DPH6: variants seen among roughly 807,000 people sequenced by gnomAD.
DPH6 encodes diphthine--ammonia ligase.
DPH6 carries 33 observed loss-of-function variants against 38.2 expected under a neutral mutation model. The observed-to-expected ratio is 0.86, with a 90% CI of 0.65 to 1.15. DPH6 has a LOEUF of 1.15. Among genes scored for constraint, DPH6 ranks in the 50% most tolerant of loss-of-function variants. DPH6 has a pLI of 0.00. For synonymous variants in DPH6, 108 were observed against 103.0 expected (o/e 1.05, Z -0.30); for missense variants, 325 against 320.0 (o/e 1.02, Z -0.12).
downstream of DPH6, among the ~76,000 whole-genome samples, chr15:35,329,618 G>A (rs974229066): frequency 6.6e-6 from 1 of 152,076 alleles, no homozygotes; most frequent in Non-Finnish European, 1.5e-5. Context: ...GTGAACTGCT[G>A]GTAGAGTTCA....
At chr15:35,479,325 ACTG>A (rs1373368239) in intron 3 of DPH6, among the ~76,000 whole-genome samples, 8 of 152,238 alleles carry the variant, frequency 5.3e-5, no homozygotes, top group South Asian at 2.1e-4. Flanking sequence ...GGATCATCCC[ACTG>A]AATCTTAAAG....
intron 6 of DPH6, among the ~76,000 whole-genome samples, chr15:35,399,441 CAG>C (rs1280327439): frequency 6.6e-6 from 1 of 151,934 alleles, no homozygotes; most frequent in African/African-American, 2.4e-5. Flanking sequence ...TATAGAGTAA[CAG>C]AAATTCTAAA....
At chr15:35,460,707 A>T (rs567109958) in intron 3 of DPH6, among the ~76,000 whole-genome samples, 99 of 152,324 alleles carry the variant, frequency 6.5e-4, no homozygotes, top group African/African-American at 2.2e-3. Context: ...TTACAAAGTT[A>T]ACTATGACCA....
intron 6 of DPH6, among the ~76,000 whole-genome samples, chr15:35,393,346 C>G (rs576396651): frequency 1.3e-5 from 2 of 152,036 alleles, no homozygotes; most frequent in Non-Finnish European, 2.9e-5. Context: ...GGTTGAGGAA[C>G]TTATGACAAA....
chr15:35,157,197 C>G, the DPH6 span, among the ~76,000 whole-genome samples: 1 of 152,066 alleles, frequency 6.6e-6, no homozygotes. Context: ...AGGAGTTGCT[C>G]TAATTTTTCT....
At chr15:35,177,353 T>C in the DPH6 span, among the ~76,000 whole-genome samples, 1 of 151,822 alleles carries the variant, frequency 6.6e-6, no homozygotes, top group Non-Finnish European at 1.5e-5. Context: ...GGTAGGGGGA[T>C]GACTTGAGGC....
chr15:35,225,006 T>C (rs769773025), intron 3 of DPH6, among the ~76,000 whole-genome samples: 10 of 152,242 alleles, frequency 6.6e-5, no homozygotes, highest in Non-Finnish European at 1.2e-4. Flanking sequence ...TTTCTATTAA[T>C]GTCTCCCTTT....
downstream of DPH6, among the ~76,000 whole-genome samples, chr15:35,213,415 T>C (rs2051396730): frequency 1.3e-5 from 2 of 152,228 alleles, no homozygotes. Flanking sequence ...AGATATGAAC[T>C]TTTGTTATAA....
chr15:35,330,059 A>G (rs985266941), downstream of DPH6, among the ~76,000 whole-genome samples: 2 of 152,208 alleles, frequency 1.3e-5, no homozygotes, highest in African/African-American at 4.8e-5. Context: ...GATTTACACT[A>G]AACACTATGT....
At chr15:35,427,005 T>TA (rs80243708) in intron 5 of DPH6, among the ~76,000 whole-genome samples, 1,584 of 116,250 alleles carry the variant, frequency 0.014, 13 homozygotes, top group Non-Finnish European at 0.019. Flanking sequence ...AGAAAGAATC[T>TA]AAAAAAAAAA....
chr15:35,397,238 C>T (rs2053146153), intron 6 of DPH6, among the ~76,000 whole-genome samples: 1 of 152,182 alleles, frequency 6.6e-6, no homozygotes, highest in Admixed American at 6.6e-5. Context: ...TTTCTGTTTA[C>T]CTTTGACTCA....
At chr15:35,511,273 C>A (rs1394015136) in intron 3 of DPH6, among the ~76,000 whole-genome samples, 2 of 151,946 alleles carry the variant, frequency 1.3e-5, no homozygotes, top group Admixed American at 6.6e-5. Context: ...CATAAAAAGA[C>A]ATAAATATTA....
chr15:35,255,860 T>C (rs1372388194), intron 3 of DPH6, among the ~76,000 whole-genome samples: 1 of 152,154 alleles, frequency 6.6e-6, no homozygotes, highest in Non-Finnish European at 1.5e-5. Flanking sequence ...TTTATTTTCA[T>C]CTTTGTCCAA....
chr15:35,495,586 TAAAG>T (rs748746597), intron 3 of DPH6, among the ~76,000 whole-genome samples: 2 of 151,886 alleles, frequency 1.3e-5, no homozygotes, highest in African/African-American at 2.4e-5. Flanking sequence ...ACAAAGGAAA[TAAAG>T]AAGGCCCAAA....
chr15:35,285,926 GAAAT>G (rs2051941024), intron 3 of DPH6, among the ~76,000 whole-genome samples: 2 of 110,156 alleles, frequency 1.8e-5, no homozygotes, highest in South Asian at 6.3e-4. Context: ...GAATCCTAAA[GAAAT>G]AACTCTGAAA....
At chr15:35,226,652 C>A (rs2051483758) in intron 3 of DPH6, among the ~76,000 whole-genome samples, 1 of 152,134 alleles carries the variant, frequency 6.6e-6, no homozygotes, top group African/African-American at 2.4e-5. Flanking sequence ...GCAATGAAAA[C>A]TACAAAACAC....
chr15:35,333,817 A>G (rs949626022), intron 3 of DPH6, among the ~76,000 whole-genome samples: 2 of 152,188 alleles, frequency 1.3e-5, no homozygotes, highest in South Asian at 2.1e-4. Context: ...ATAAAGATAC[A>G]TGCACCCATA....
the DPH6 span, among the ~76,000 whole-genome samples, chr15:35,148,805 T>TA: frequency 1.3e-5 from 2 of 151,994 alleles, no homozygotes; most frequent in Non-Finnish European, 2.9e-5. Flanking sequence ...AACTACAGAG[T>TA]AAAAAATAAT....
chr15:35,392,104 A>C (rs2053067512), intron 6 of DPH6, among the ~76,000 whole-genome samples: 1 of 152,216 alleles, frequency 6.6e-6, no homozygotes, highest in Non-Finnish European at 1.5e-5. Flanking sequence ...AGATGTGGCT[A>C]ACTTGGGTGA....
Sources: gnomAD v4.1 joint callset for allele counts (sites outside exome capture counted in the v4.1 genomes callset) on GRCh38, gnomAD v4.1.1 for gene constraint, MANE v1.5 for transcripts, NCBI Gene and HGNC (gene_info 2026-07-23, HGNC 2026-07-21) for gene names.